PTPRD: variants seen among roughly 807,000 people sequenced by gnomAD.
The protein encoded by PTPRD is protein tyrosine phosphatase receptor type D.
A neutral mutation model predicts 214.5 loss-of-function variants in PTPRD; 34 were observed. The ratio of observed to expected loss-of-function variants is 0.16; its 90% confidence interval spans 0.12 to 0.21. The LOEUF (loss-of-function observed/expected upper bound fraction) is 0.21. PTPRD is among the 10% of genes least tolerant of loss of function. PTPRD has a pLI of 1.00. For missense variants in PTPRD, 2,545 were observed against 2,398.7 expected (o/e 1.06, Z -1.27); for synonymous variants, 1,128 against 845.7 (o/e 1.33, Z -5.79).
intron 8 of PTPRD, among the ~76,000 whole-genome samples, chr9:9,400,640 C>T (rs866134255): frequency 3.3e-5 from 5 of 151,926 alleles, no homozygotes. Flanking sequence ...TATAGAAATC[C>T]TTCCAGTTAA....
intron 11 of PTPRD, among the ~76,000 whole-genome samples, chr9:8,886,049 A>T (rs1375985500): frequency 6.6e-6 from 1 of 152,196 alleles, no homozygotes; most frequent in Non-Finnish European, 1.5e-5. Context: ...ATTTGGTTAT[A>T]ATCCCAAAGG....
intron 3 of PTPRD, among the ~76,000 whole-genome samples, chr9:10,084,099 A>C (rs564966951): frequency 6.6e-6 from 1 of 152,028 alleles, no homozygotes; most frequent in Non-Finnish European, 1.5e-5. Flanking sequence ...CATTGTAACT[A>C]TCTCCTAGGT....
chr9:9,023,173 C>A (rs2099575499), intron 10 of PTPRD, among the ~76,000 whole-genome samples: 2 of 152,048 alleles, frequency 1.3e-5, no homozygotes, highest in Admixed American at 6.6e-5. Context: ...ATAGACTGCA[C>A]AAATAACACC....
At chr9:9,345,610 A>T (rs183574541) in intron 9 of PTPRD, among the ~76,000 whole-genome samples, 1 of 152,146 alleles carries the variant, frequency 6.6e-6, no homozygotes, top group Non-Finnish European at 1.5e-5. Context: ...TAACTCCCCC[A>T]AGGTCATCCC....
chr9:9,578,585 G>C (rs1327193000), intron 7 of PTPRD, among the ~76,000 whole-genome samples: 1 of 152,014 alleles, frequency 6.6e-6, no homozygotes, highest in Non-Finnish European at 1.5e-5. Flanking sequence ...CAAAATGATT[G>C]GGAATAATTT....
At chr9:9,410,555 G>A (rs1432560100) in intron 8 of PTPRD, among the ~76,000 whole-genome samples, 1 of 152,082 alleles carries the variant, frequency 6.6e-6, no homozygotes, top group African/African-American at 2.4e-5. Context: ...AAAAACCAGA[G>A]TAGCCAGAAC....
chr9:9,923,118 T>TGG (rs757591811), intron 5 of PTPRD, among the ~76,000 whole-genome samples: 22 of 147,836 alleles, frequency 1.5e-4, no homozygotes, highest in Middle Eastern at 3.5e-3. Flanking sequence ...ACTGTGTGTG[T>TGG]GGGGGGTGTG....
intron 8 of PTPRD, among the ~76,000 whole-genome samples, chr9:9,565,804 T>G (rs2084339745): frequency 6.6e-6 from 1 of 151,950 alleles, no homozygotes; most frequent in Non-Finnish European, 1.5e-5. Flanking sequence ...CCCCGTTTCC[T>G]AGGATTTTGA....
intron 9 of PTPRD, among the ~76,000 whole-genome samples, chr9:9,221,569 CT>C (rs1262906482): frequency 6.6e-6 from 1 of 151,996 alleles, no homozygotes. Flanking sequence ...GTATCCTCTC[CT>C]TGTGTGCTCC....
chr9:8,979,532 T>C (rs1232883497), intron 11 of PTPRD, among the ~76,000 whole-genome samples: 1 of 151,992 alleles, frequency 6.6e-6, no homozygotes, highest in Non-Finnish European at 1.5e-5. Context: ...ACTCTTACAA[T>C]GCAATAGAAT....
intron 14 of PTPRD, among the ~76,000 whole-genome samples, chr9:8,606,526 A>G (rs923477269): frequency 9.9e-5 from 15 of 152,190 alleles, no homozygotes; most frequent in African/African-American, 3.1e-4. Context: ...TAAGTTTTCA[A>G]TTTATTTCCA....
At chr9:8,683,948 G>A (rs1226357170) in intron 12 of PTPRD, among the ~76,000 whole-genome samples, 1 of 152,160 alleles carries the variant, frequency 6.6e-6, no homozygotes, top group Non-Finnish European at 1.5e-5. Context: ...GGTGTCTGAG[G>A]AGTCCTAACT....
intron 2 of PTPRD, among the ~76,000 whole-genome samples, chr9:10,365,385 T>G (rs1223056805): frequency 6.6e-6 from 1 of 152,178 alleles, no homozygotes; most frequent in African/African-American, 2.4e-5. Flanking sequence ...CTACATCAGC[T>G]TCTCACTTCA....
At chr9:8,492,226 A>T (rs1258700219) in intron 27 of PTPRD, among the ~76,000 whole-genome samples, 1 of 152,156 alleles carries the variant, frequency 6.6e-6, no homozygotes, top group Non-Finnish European at 1.5e-5. Flanking sequence ...GTAGAACTGT[A>T]AGTCATGAAC....
intron 7 of PTPRD, among the ~76,000 whole-genome samples, chr9:9,643,473 T>C (rs183423973): frequency 6.6e-6 from 1 of 152,144 alleles, no homozygotes; most frequent in Non-Finnish European, 1.5e-5. Context: ...GATTCTAGAA[T>C]GAGCAGAGTG....
At chr9:9,923,123 GGTGT>G (rs35299908) in intron 5 of PTPRD, among the ~76,000 whole-genome samples, 11 of 145,046 alleles carry the variant, frequency 7.6e-5, no homozygotes, top group Non-Finnish European at 1.5e-4. Flanking sequence ...GTGTGTGGGG[GGTGT>G]GTGTGTGTGT....
chr9:8,631,824 T>A (rs749919480), intron 14 of PTPRD, among the ~76,000 whole-genome samples: 6 of 151,908 alleles, frequency 3.9e-5, no homozygotes, highest in Admixed American at 1.3e-4. Context: ...TTCAATTTCT[T>A]GTTTGTAAGC....
intron 2 of PTPRD, among the ~76,000 whole-genome samples, chr9:10,609,621 C>T (rs2080418906): frequency 6.6e-6 from 1 of 152,110 alleles, no homozygotes. Flanking sequence ...AACTCTGCAC[C>T]TGCATACATT....
rs1459051243 is a variant in PTPRD, at chr9:8,314,571, T to A, written c.*3303A>T. The stretch of plus-strand genomic sequence containing the variant: ...ACATAACGGATGGATAGAATGGATC[T>A]GTAGCCTTCTGATCTCTGCTGGAGT... On this transcript the variant is annotated 3_prime_UTR_variant, in exon 46 of 46. Transcript: ENST00000381196. The A allele has an allele frequency of 3.0e-5, 7 of 232,130 alleles. No homozygotes were observed. The highest frequency in any genetic ancestry group is 8.5e-6 in the Non-Finnish European group (1 of 117,236). 14.4% of individuals were successfully genotyped at this position (232,130 alleles called of 1,614,324 possible).
Sources: gnomAD v4.1 joint callset for allele counts (sites outside exome capture counted in the v4.1 genomes callset) on GRCh38, gnomAD v4.1.1 for gene constraint, MANE v1.5 for transcripts, NCBI Gene and HGNC (gene_info 2026-07-23, HGNC 2026-07-21) for gene names.